ERLIN1: variants seen among roughly 807,000 people sequenced by gnomAD.
ERLIN1 encodes the protein ER lipid raft associated 1.
ERLIN1 carries 24 observed loss-of-function variants against 46.9 expected under a neutral mutation model. The observed-to-expected ratio is 0.51, with a 90% confidence interval of 0.37 to 0.72. The LOEUF is 0.72. ERLIN1 is among the 30% of genes least tolerant of loss of function. ERLIN1 has a pLI of 0.00. For missense variants in ERLIN1, 293 were observed against 417.9 expected, an observed-to-expected ratio of 0.70 and a Z score of 2.61; for synonymous variants, 158 against 143.2, an observed-to-expected ratio of 1.10 and a Z score of -0.74.
At chr10:100,173,663 T>C (rs1844131805) in intron 6 of ERLIN1, among the ~76,000 whole-genome samples, 1 of 152,192 alleles carries the variant, frequency 6.6e-6, no homozygotes, top group Admixed American at 6.5e-5. Context: ...CCCTCCCACT[T>C]GAAATACCTT....
chr10:100,169,164 C>T (rs1185980731), intron 6 of ERLIN1, among the ~76,000 whole-genome samples: 1 of 152,140 alleles, frequency 6.6e-6, no homozygotes, highest in African/African-American at 2.4e-5. Context: ...TGGGAAGTCC[C>T]ACTCAGGCAC....
chr10:100,158,410 C>T (rs1843185052), intron 8 of ERLIN1, among the ~76,000 whole-genome samples: 1 of 151,936 alleles, frequency 6.6e-6, no homozygotes, highest in African/African-American at 2.4e-5. Flanking sequence ...AATAATACTG[C>T]CATATTGATA....
At chr10:100,169,275 A>T (rs898751616) in intron 6 of ERLIN1, among the ~76,000 whole-genome samples, 3 of 152,020 alleles carry the variant, frequency 2.0e-5, no homozygotes, top group Non-Finnish European at 4.4e-5. Flanking sequence ...CCCCCATCCC[A>T]CTCACATACA....
chr10:100,182,932 C>T (rs1213506977), intron 2 of ERLIN1, among the ~76,000 whole-genome samples: 1 of 152,166 alleles, frequency 6.6e-6, no homozygotes. Context: ...TCAGTAGACA[C>T]AATTCTTTCC....
chr10:100,164,231 A>T lies in ERLIN1; in HGVS notation c.564-136T>A, dbSNP rs1564804378. 6 of 572,644 alleles carry T rather than the reference A, an allele frequency of 1.0e-5. No homozygotes were observed. In the East Asian group the frequency reaches 1.7e-4, roughly 17 times the overall value. The allele number at this position is 572,644 out of a possible 1,614,324, so 35.5% of individuals were successfully genotyped here. On this transcript the variant is annotated intron_variant, in intron 7 of 10. Transcript: ENST00000421367. ...TGGACCCATTAAGGTAGGTTAAGAG[A>T]GGTGTTACTTTATTTTACTTATAAT...
In ERLIN1 at chr10:100,185,998, C is replaced by A. The variant is rs1329280163; in HGVS notation, c.-372G>T. On this transcript the variant is annotated 5_prime_UTR_variant, in exon 1 of 11. Transcript: ENST00000421367. ...GCATCGCCCCCGCCCGCACGTGCAGCCGACTCCCGCGCCGAGCCAACCGCC... is the reference window on the plus strand; with the variant it reads ...GCATCGCCCCCGCCCGCACGTGCAGACGACTCCCGCGCCGAGCCAACCGCC... 2.3e-6 allele frequency: 1 copy of A among 425,958 alleles called. No homozygotes were observed. The highest frequency in any genetic ancestry group is 4.1e-6 in the Non-Finnish European group (1 of 242,908). 26.4% of individuals were successfully genotyped at this position (425,958 alleles called of 1,614,324 possible). A position where few individuals can be genotyped will look rare whatever the true frequency, so the allele number is the denominator to read the frequency against.
chr10:100,181,793 C>T (rs959988675), intron 2 of ERLIN1, among the ~76,000 whole-genome samples: 6 of 152,232 alleles, frequency 3.9e-5, no homozygotes, highest in East Asian at 1.9e-4. Context: ...GGATTACAGG[C>T]GTGAGCCGCC....
chr10:100,178,469 T>C (rs74153001), intron 3 of ERLIN1, among the ~76,000 whole-genome samples: 1,798 of 152,320 alleles, frequency 0.012, 34 homozygotes, highest in African/African-American at 0.041. Flanking sequence ...ACCCTAGAAA[T>C]AATTTGGGCC....
intron 6 of ERLIN1, among the ~76,000 whole-genome samples, chr10:100,171,362 C>T (rs1843984338): frequency 6.6e-6 from 1 of 151,992 alleles, no homozygotes; most frequent in South Asian, 2.1e-4. Flanking sequence ...GAATTCTACC[C>T]CTCTCAAAGG....
chr10:100,171,637 C>T (rs1844004055), intron 6 of ERLIN1, among the ~76,000 whole-genome samples: 1 of 152,140 alleles, frequency 6.6e-6, no homozygotes, highest in Admixed American at 6.6e-5. Flanking sequence ...CCTCAAACTC[C>T]TGGGCTCAAG....
At chr10:100,163,122 A>C (rs959236462) in intron 8 of ERLIN1, among the ~76,000 whole-genome samples, 2 of 152,216 alleles carry the variant, frequency 1.3e-5, no homozygotes, top group Admixed American at 1.3e-4. Flanking sequence ...CTAGATCTAC[A>C]TGTATCAATA....
At chr10:100,154,225 C>A (rs748504782) in intron 10 of ERLIN1, among the ~76,000 whole-genome samples, 2 of 152,210 alleles carry the variant, frequency 1.3e-5, no homozygotes, top group Non-Finnish European at 2.9e-5. Context: ...TTACCCCAGT[C>A]CTTACACCAA....
intron 6 of ERLIN1, among the ~76,000 whole-genome samples, chr10:100,171,717 A>G (rs554252480): frequency 3.0e-4 from 46 of 152,340 alleles, no homozygotes; most frequent in African/African-American, 1.1e-3. Context: ...AGCCAAAAAT[A>G]GCTTATTAAA....
At chr10:100,173,934 TG>T (rs1218112754) in intron 6 of ERLIN1, among the ~76,000 whole-genome samples, 1 of 152,244 alleles carries the variant, frequency 6.6e-6, no homozygotes, top group African/African-American at 2.4e-5. Context: ...TAACCATTAC[TG>T]TATCTTAATG....
intron 8 of ERLIN1, among the ~76,000 whole-genome samples, 191 bp downstream of exon 8, chr10:100,163,813 G>A (rs926225493): frequency 5.3e-5 from 8 of 152,180 alleles, no homozygotes; most frequent in Non-Finnish European, 1.5e-5. Flanking sequence ...GACAGCCACA[G>A]CACATCATTA....
chr10:100,154,753 A>G, intron 10 of ERLIN1, 107 bp downstream of exon 10: 1 of 861,002 alleles, frequency 1.2e-6, no homozygotes, highest in African/African-American at 1.7e-5. Context: ...TGGTCACTAC[A>G]CTTTCTTGAC....
intron 4 of ERLIN1, among the ~76,000 whole-genome samples, chr10:100,177,348 T>C (rs994291205): frequency 1.1e-4 from 17 of 152,156 alleles, no homozygotes; most frequent in African/African-American, 3.9e-4. Flanking sequence ...CTGAAAAATA[T>C]AATCCAAATG....
intron 8 of ERLIN1, among the ~76,000 whole-genome samples, chr10:100,162,238 C>T (rs1843396341): frequency 6.6e-6 from 1 of 152,048 alleles, no homozygotes; most frequent in African/African-American, 2.4e-5. Flanking sequence ...CATTAACAGG[C>T]AATTCATATA....
At chr10:100,165,581 T>C (rs1261684628) in intron 7 of ERLIN1, among the ~76,000 whole-genome samples, 1 of 151,666 alleles carries the variant, frequency 6.6e-6, no homozygotes, top group African/African-American at 2.4e-5. Context: ...AGAGACGGGG[T>C]TTCATTGTGT....
Sources: allele counts gnomAD v4.1 joint callset (sites outside exome capture counted in the v4.1 genomes callset), GRCh38; gene constraint gnomAD v4.1.1; transcripts MANE v1.5; gene names NCBI Gene and HGNC (gene_info 2026-07-23, HGNC 2026-07-21).